LATS1: variants seen among roughly 807,000 people sequenced by gnomAD.
LATS1 encodes large tumor suppressor kinase 1, also known as serine/threonine-protein kinase LATS1.
LATS1 carries 25 observed loss-of-function variants against 106.6 expected under a neutral mutation model. That is an observed-to-expected ratio of 0.23 (90% CI 0.17 to 0.33). The LOEUF (loss-of-function observed/expected upper bound fraction) is 0.33. LATS1 is among the 10% of genes least tolerant of loss of function. The pLI, the probability that LATS1 is intolerant of heterozygous loss-of-function variation, is 1.00. For synonymous variants in LATS1, 465 were observed against 455.6 expected (o/e 1.02, Z -0.26); for missense variants, 1,040 against 1,382.6 (o/e 0.75, Z 3.93).
chr6:149,669,070 G>C (rs931104300), intron 7 of LATS1, among the ~76,000 whole-genome samples: 3 of 151,952 alleles, frequency 2.0e-5, no homozygotes, highest in African/African-American at 7.3e-5. Flanking sequence ...TGTTCTTCCT[G>C]CTGTGGCCTT....
At chr6:149,713,373 C>T (rs958099539) in intron 1 of LATS1, among the ~76,000 whole-genome samples, 1 of 152,000 alleles carries the variant, frequency 6.6e-6, no homozygotes, top group Non-Finnish European at 1.5e-5. Flanking sequence ...CGGCTCACTG[C>T]AACCTCTGCC....
intron 4 of LATS1, among the ~76,000 whole-genome samples, chr6:149,682,415 CTTTTTTT>C (rs869175355): frequency 4.9e-4 from 68 of 138,334 alleles, no homozygotes; most frequent in South Asian, 4.4e-3. Flanking sequence ...TTTCTTTTTT[CTTTTTTT>C]TTTTTTTTTG....
At chr6:149,663,742 T>C (rs937737474) in intron 7 of LATS1, among the ~76,000 whole-genome samples, 1 of 152,102 alleles carries the variant, frequency 6.6e-6, no homozygotes, top group African/African-American at 2.4e-5. Flanking sequence ...TAATAATAGT[T>C]ATTTATGCTT....
At chr6:149,705,088 GA>G (rs903621415) in intron 1 of LATS1, among the ~76,000 whole-genome samples, 48 of 139,506 alleles carry the variant, frequency 3.4e-4, no homozygotes, top group African/African-American at 4.5e-4. Context: ...TCTCCACTTT[GA>G]AAAAAAAAAA....
intron 3 of LATS1, among the ~76,000 whole-genome samples, chr6:149,691,300 C>T (rs976517277): frequency 2.0e-5 from 3 of 152,094 alleles, no homozygotes; most frequent in Non-Finnish European, 2.9e-5. Flanking sequence ...GCAAGGCGGC[C>T]GCCATCTGCA....
In LATS1 at chr6:149,660,070, G is replaced by A. The variant is rs528976429; in HGVS notation, c.*1659C>T. 1 of 232,456 alleles carries A rather than the reference G, an allele frequency of 4.3e-6. No individual in the cohort carries two copies. The highest frequency in any genetic ancestry group is 1.8e-4 in the South Asian group (1 of 5,520). 14.4% of individuals were successfully genotyped at this position (232,456 alleles called of 1,614,324 possible). A position where few individuals can be genotyped will look rare whatever the true frequency, so the allele number is the denominator to read the frequency against. ...TAGTTTAATGTATCAATTTTCTCAT[G>A]GCACAGAGGTCCATAACCTACAGCC... is the stretch of plus-strand genomic sequence containing the variant. On this transcript the variant is annotated 3_prime_UTR_variant, in exon 8 of 8. Transcript: ENST00000543571.
chr6:149,680,944 C>T (rs1782003936), intron 4 of LATS1, among the ~76,000 whole-genome samples: 2 of 151,996 alleles, frequency 1.3e-5, no homozygotes, highest in South Asian at 4.1e-4. Context: ...CAAAGAACAA[C>T]AAAACAATGC....
At position 149,687,357 on chromosome 6, in the gene LATS1, T is replaced by C. The variant is rs533044346; in HGVS notation, c.497-2765A>G. Among the ~76,000 whole-genome samples, 38 of 152,166 alleles carry C rather than the reference T, an allele frequency of 2.5e-4. 1 individual carries two copies. The South Asian group carries it at 7.5e-3, about 30-fold the overall frequency. On this transcript the variant is annotated intron_variant, in intron 3 of 7. Coordinates refer to ENST00000543571, the MANE Select transcript of LATS1 (RefSeq NM_004690.4). The stretch of plus-strand genomic sequence containing the variant: ...CCGCCCACCTCAGCATCCCAAAGTG[T>C]TGGGATTACAGGCATGAGCTACCGC...
intron 2 of LATS1, among the ~76,000 whole-genome samples, chr6:149,697,680 T>G (rs1183528121): frequency 6.6e-6 from 1 of 152,178 alleles, no homozygotes; most frequent in Non-Finnish European, 1.5e-5. Context: ...AACATCTCCA[T>G]TGGTAAGAAA....
rs1273455106 is a variant in LATS1, at chr6:149,680,591, A to G, written c.2011-134T>C. The G allele has an allele frequency of 1.2e-5, 8 of 667,338 alleles. No homozygotes were observed. In the East Asian group the frequency reaches 1.9e-4, roughly 16 times the overall value. The allele number at this position is 667,338 out of a possible 1,614,324, so 41.3% of individuals were successfully genotyped here. A position where few individuals can be genotyped will look rare whatever the true frequency, so the allele number is the denominator to read the frequency against. ...TTTTAATAAAGCATGTTAGAAATCTAGAAAACATTTCAAAGGAAATTAATG... is the reference window on the plus strand; with the variant it reads ...TTTTAATAAAGCATGTTAGAAATCTGGAAAACATTTCAAAGGAAATTAATG... On this transcript the variant is annotated intron_variant, in intron 4 of 7. Transcript: ENST00000543571.
chr6:149,670,570 C>T (rs1198816611), intron 7 of LATS1, among the ~76,000 whole-genome samples: 1 of 151,956 alleles, frequency 6.6e-6, no homozygotes, highest in South Asian at 2.1e-4. Flanking sequence ...TGGAGCAGCT[C>T]GTTAGTGCCA....
intron 7 of LATS1, among the ~76,000 whole-genome samples, chr6:149,664,375 C>A (rs868310505): frequency 4.6e-5 from 7 of 152,086 alleles, no homozygotes; most frequent in South Asian, 4.1e-4. Context: ...GGGATAATGA[C>A]AGAGAATTTC....
chr6:149,703,981 T>C (rs1410922977), intron 1 of LATS1, among the ~76,000 whole-genome samples: 1 of 152,236 alleles, frequency 6.6e-6, no homozygotes, highest in Non-Finnish European at 1.5e-5. Flanking sequence ...TTATATAATA[T>C]ACATCTAAGT....
Position 149,659,920 on chromosome 6 carries a change from T to C in LATS1, c.*1809A>G. 2 of 230,172 alleles carry C rather than the reference T, an allele frequency of 8.7e-6. No homozygotes were observed. Among genetic ancestry groups the C allele is most frequent in the Non-Finnish European group, 1.7e-5 (2 of 116,218 alleles). 14.3% of individuals were successfully genotyped at this position (230,172 alleles called of 1,614,324 possible). A position where few individuals can be genotyped will look rare whatever the true frequency, so the allele number is the denominator to read the frequency against. On this transcript the variant is annotated 3_prime_UTR_variant, in exon 8 of 8. Transcript: ENST00000543571. ...CAAATGATATATTAAAACAACTTAA[T>C]GTACCAGCAAGAGAGGCATTCATAA...
chr6:149,681,801 T>C (rs1782044866), intron 4 of LATS1, among the ~76,000 whole-genome samples: 1 of 152,154 alleles, frequency 6.6e-6, no homozygotes, highest in African/African-American at 2.4e-5. Context: ...AGTCAAATCT[T>C]TGAACTCTAA....
chr6:149,712,072 T>C (rs1163101126), intron 1 of LATS1, among the ~76,000 whole-genome samples: 1 of 152,154 alleles, frequency 6.6e-6, no homozygotes, highest in African/African-American at 2.4e-5. Context: ...TAAGAGATTA[T>C]TGGGCATGTG....
At chr6:149,672,628 G>T (rs1781499749) in intron 7 of LATS1, among the ~76,000 whole-genome samples, 1 of 151,814 alleles carries the variant, frequency 6.6e-6, no homozygotes, top group Non-Finnish European at 1.5e-5. Flanking sequence ...TTAGTTTCCA[G>T]TTTTCATTGC....
rs955305970 is a variant in LATS1, at chr6:149,660,203, CA to C, written c.*1525del. On this transcript the variant is annotated 3_prime_UTR_variant, in exon 8 of 8. Coordinates refer to ENST00000543571, the MANE Select transcript of LATS1 (RefSeq NM_004690.4). ...GAGTCCACAGCTTCCTTCAGATTCT[CA>C]AAAGAACCACTAACCCCAAAAGACG... 2 of 232,478 alleles carry C rather than the reference CA, an allele frequency of 8.6e-6. No individual in the cohort carries two copies. The highest frequency in any genetic ancestry group is 1.7e-5 in the Non-Finnish European group (2 of 117,762). 14.4% of individuals were successfully genotyped at this position (232,478 alleles called of 1,614,324 possible).
At position 149,709,668 on chromosome 6, in the gene LATS1, CTTTTTTTTTTT is replaced by C. The variant is rs142425039; in HGVS notation, c.-140-7413_-140-7403del. 7.9e-5 allele frequency among the ~76,000 whole-genome samples: 6 copies of C among 75,500 alleles called. 1 individual carries two copies. The highest frequency in any genetic ancestry group is 5.4e-4 in the South Asian group (1 of 1,838). The allele number at this position is 75,500 out of a possible 152,430, so 49.5% of individuals were successfully genotyped here. ...AACCCTGGTCTCCACAACCCCTTAT[CTTTTTTTTTTT>C]TTTTTTTTTTTTTTTAGATGGAGTC... On this transcript the variant is annotated intron_variant, in intron 1 of 7. Transcript: ENST00000543571.
Sources: gnomAD v4.1 joint callset for allele counts (sites outside exome capture counted in the v4.1 genomes callset) on GRCh38, gnomAD v4.1.1 for gene constraint, MANE v1.5 for transcripts, NCBI Gene and HGNC (gene_info 2026-07-23, HGNC 2026-07-21) for gene names.